The following PPARGC1A variants were observed in gnomAD, a reference collection of about 807,000 sequenced individuals.
The protein encoded by PPARGC1A is peroxisome proliferator-activated receptor gamma coactivator 1-alpha.
Under a neutral mutation model 88.7 loss-of-function variants are expected in PPARGC1A, and 25 were observed. That is an observed-to-expected ratio of 0.28 (90% CI 0.21 to 0.39). The LOEUF is 0.39. PPARGC1A is among the 10% of genes least tolerant of loss of function. The probability of loss-of-function intolerance (pLI) is 1.00; values close to 1 mark genes in which losing one functional copy is unlikely to be tolerated. For missense variants in PPARGC1A, 880 were observed against 968.7 expected, an observed-to-expected ratio of 0.91 and a Z score of 1.22; for synonymous variants, 363 against 355.6, an observed-to-expected ratio of 1.02 and a Z score of -0.24.
At chr4:24,443,403 C>T in the PPARGC1A span, among the ~76,000 whole-genome samples, 4 of 152,046 alleles carry the variant, frequency 2.6e-5, no homozygotes, top group Non-Finnish European at 4.4e-5. Flanking sequence ...GCTCATCTGG[C>T]TCTGGCACTG....
the PPARGC1A span, among the ~76,000 whole-genome samples, chr4:24,388,010 GGAAAGAAA>G: frequency 6.8e-6 from 1 of 147,272 alleles, no homozygotes; most frequent in African/African-American, 2.5e-5. Context: ...AAGGAAGGAA[GGAAAGAAA>G]GAAAGAAAGA....
chr4:24,204,809 C>A, the PPARGC1A span, among the ~76,000 whole-genome samples: 1 of 151,778 alleles, frequency 6.6e-6, no homozygotes, highest in Non-Finnish European at 1.5e-5. Flanking sequence ...AGACCATTCA[C>A]GTTTTTTTGT....
At chr4:23,867,975 C>T (rs1057477875) in intron 2 of PPARGC1A, among the ~76,000 whole-genome samples, 3 of 152,202 alleles carry the variant, frequency 2.0e-5, no homozygotes, top group Admixed American at 2.0e-4. Context: ...GGGCACAGTG[C>T]TGGGAACAGC....
At chr4:23,881,235 A>G (rs1355426195) in intron 2 of PPARGC1A, 1 of 152,228 alleles carries the variant, frequency 6.6e-6, no homozygotes, top group Non-Finnish European at 1.5e-5. Flanking sequence ...CACATGGATC[A>G]GATTCACTGG....
At chr4:23,843,656 A>T (rs955254447) in intron 2 of PPARGC1A, among the ~76,000 whole-genome samples, 1 of 152,100 alleles carries the variant, frequency 6.6e-6, no homozygotes, top group African/African-American at 2.4e-5. Flanking sequence ...AAGCCTACAC[A>T]ATGTAGAAAT....
the PPARGC1A span, among the ~76,000 whole-genome samples, chr4:24,016,204 A>G: frequency 6.6e-6 from 1 of 152,204 alleles, no homozygotes; most frequent in Non-Finnish European, 1.5e-5. Context: ...TAGAATTTGA[A>G]TCACCAATAC....
chr4:24,286,639 G>A, the PPARGC1A span, among the ~76,000 whole-genome samples: 2 of 152,192 alleles, frequency 1.3e-5, no homozygotes, highest in East Asian at 1.9e-4. Context: ...AGATGCCATC[G>A]TTGAATCTCT....
At chr4:23,919,013 T>C in the PPARGC1A span, among the ~76,000 whole-genome samples, 1 of 152,190 alleles carries the variant, frequency 6.6e-6, no homozygotes, top group African/African-American at 2.4e-5. Flanking sequence ...CCCAACATGG[T>C]TAACATTGAG....
chr4:24,218,655 A>G, the PPARGC1A span, among the ~76,000 whole-genome samples: 1 of 152,208 alleles, frequency 6.6e-6, no homozygotes, highest in Non-Finnish European at 1.5e-5. Context: ...ACATTTTTCA[A>G]TCTTTTCTAG....
the PPARGC1A span, among the ~76,000 whole-genome samples, chr4:24,210,214 T>G: frequency 6.6e-6 from 1 of 152,180 alleles, no homozygotes; most frequent in Non-Finnish European, 1.5e-5. Flanking sequence ...CTTTACAAAG[T>G]TGGCATGAAG....
chr4:23,961,866 C>G, the PPARGC1A span, among the ~76,000 whole-genome samples: 34 of 152,274 alleles, frequency 2.2e-4, no homozygotes, highest in Non-Finnish European at 4.0e-4. Flanking sequence ...GATGGCAGCC[C>G]ACAAGGTGAC....
the PPARGC1A span, among the ~76,000 whole-genome samples, chr4:24,120,574 T>C: frequency 2.6e-5 from 4 of 152,188 alleles, no homozygotes; most frequent in African/African-American, 7.2e-5. Flanking sequence ...CTTACAGCTA[T>C]TGAATGGCAG....
the PPARGC1A span, among the ~76,000 whole-genome samples, chr4:24,361,871 G>T: frequency 6.6e-6 from 1 of 152,158 alleles, no homozygotes; most frequent in African/African-American, 2.4e-5. Context: ...GCTCCAGGCA[G>T]GAGAAACATA....
chr4:24,144,325 T>C, the PPARGC1A span, among the ~76,000 whole-genome samples: 19 of 152,144 alleles, frequency 1.2e-4, no homozygotes, highest in Admixed American at 2.0e-4. Context: ...GAAAGGTATA[T>C]ATTCTTATTA....
chr4:23,961,999 C>T, the PPARGC1A span, among the ~76,000 whole-genome samples: 2 of 152,084 alleles, frequency 1.3e-5, no homozygotes, highest in Non-Finnish European at 2.9e-5. Flanking sequence ...CTGTTAGGTG[C>T]CATTTCCAAC....
the PPARGC1A span, among the ~76,000 whole-genome samples, chr4:24,257,034 T>G: frequency 3.3e-5 from 5 of 152,184 alleles, no homozygotes; most frequent in African/African-American, 1.2e-4. Flanking sequence ...ATATTTGAAA[T>G]GTGTCATTTT....
At chr4:24,093,535 G>T in the PPARGC1A span, among the ~76,000 whole-genome samples, 7 of 152,132 alleles carry the variant, frequency 4.6e-5, no homozygotes, top group South Asian at 4.1e-4. Flanking sequence ...TTCTTCTGAG[G>T]TGTAAGAGAG....
At chr4:24,380,628 T>TA in the PPARGC1A span, among the ~76,000 whole-genome samples, 1 of 152,084 alleles carries the variant, frequency 6.6e-6, no homozygotes, top group Non-Finnish European at 1.5e-5. Context: ...GAGTCAGTGA[T>TA]ACCAGTTAGG....
chr4:24,264,476 T>C, the PPARGC1A span, among the ~76,000 whole-genome samples: 2 of 152,214 alleles, frequency 1.3e-5, no homozygotes, highest in Non-Finnish European at 1.5e-5. Context: ...GGGCATGAGC[T>C]TTGGAAGCAT....
Sources: gnomAD v4.1 joint callset for allele counts (sites outside exome capture counted in the v4.1 genomes callset) on GRCh38, gnomAD v4.1.1 for gene constraint, MANE v1.5 for transcripts, NCBI Gene and HGNC (gene_info 2026-07-23, HGNC 2026-07-21) for gene names.